Variants in USP8 observed in about 807,000 individuals in gnomAD.
USP8 encodes ubiquitin carboxyl-terminal hydrolase 8.
USP8 carries 27 observed loss-of-function variants against 130.0 expected under a neutral mutation model. The ratio of observed to expected loss-of-function variants is 0.21; its 90% CI spans 0.15 to 0.29. USP8 has a LOEUF of 0.29. USP8 is among the 10% of genes least tolerant of loss of function. The pLI, the probability that USP8 is intolerant of heterozygous loss-of-function variation, is 1.00. For synonymous variants in USP8, 392 were observed against 444.1 expected (o/e 0.88, Z 1.48); for missense variants, 1,029 against 1,312.2 (o/e 0.78, Z 3.33).
chr15:50,494,300 T>A lies in USP8; in HGVS notation c.2658+20T>A. The A allele has an allele frequency of 6.3e-7, 1 of 1,582,286 alleles. No homozygotes were observed. The highest frequency in any genetic ancestry group is 8.6e-7 in the Non-Finnish European group (1 of 1,168,676). ...AATAAAGTAAGAAATTTGATTTTTC[T>A]AAGTTGCAGAGACTCTTTAGGGTTG... On this transcript the variant is annotated intron_variant, in intron 16 of 19. Coordinates refer to ENST00000307179, the MANE Select transcript of USP8 (RefSeq NM_005154.5).
At chr15:50,446,117 AATC>A (rs2141262515) in intron 3 of USP8, among the ~76,000 whole-genome samples, 1 of 152,340 alleles carries the variant, frequency 6.6e-6, no homozygotes, top group African/African-American at 2.4e-5. Flanking sequence ...TTGTTTAGGA[AATC>A]ATGAAAGTTG....
In USP8 at chr15:50,488,363, A is replaced by G. The variant is rs149132584; in HGVS notation, c.1891-1438A>G. On this transcript the variant is annotated intron_variant, in intron 12 of 19. Coordinates refer to ENST00000307179, the MANE Select transcript of USP8 (RefSeq NM_005154.5). ...CTTCATTTTGACAGAATTTTTTTCC[A>G]GCACACATATTCTATTTATTACATG... Among the ~76,000 whole-genome samples the G allele has an allele frequency of 9.4e-3, 1,434 of 152,156 alleles. 26 individuals carry two copies. Among genetic ancestry groups the G allele is most frequent in the African/African-American group, 0.033 (1,354 of 41,498 alleles).
In USP8 at chr15:50,464,550, C is replaced by T. The variant is rs1410548130; in HGVS notation, c.542-497C>T. ...TGTAAACAGAGCATCGAACTGGTTT[C>T]TTGATAAATGTTAAAAACACAAGGT... On this transcript the variant is annotated intron_variant, in intron 6 of 19. Transcript: ENST00000307179. Among the ~76,000 whole-genome samples the T allele has an allele frequency of 2.0e-5, 3 of 152,270 alleles. No individual in the cohort carries two copies. The East Asian group carries it at 5.8e-4, about 29-fold the overall frequency.
chr15:50,470,449 A>C (rs897149290), intron 7 of USP8, among the ~76,000 whole-genome samples: 1 of 152,134 alleles, frequency 6.6e-6, no homozygotes, highest in African/African-American at 2.4e-5. Context: ...ACAGGGAAAA[A>C]GCCAGAGCAG....
Position 50,490,375 on chromosome 15 carries a change from C to T in USP8, c.2084C>T (p.Thr695Ile). ...TCTGCACCTCCTTCCACCCCTCCAACTCATAAAGCCAAGCCACAGATTCCT... is the reference window on the plus strand; with the variant it reads ...TCTGCACCTCCTTCCACCCCTCCAATTCATAAAGCCAAGCCACAGATTCCT... ...PSSAPPSTPPTHKAKPQIPAE... is the reference protein window; with the variant it reads ...PSSAPPSTPPIHKAKPQIPAE... The change falls in exon 14 of 20, where the codon ACT becomes ATT. Residue 695 changes from threonine to isoleucine, a missense_variant. By Grantham distance (89) the Thr-to-Ile change is moderately conservative. Around this residue, in one of 4 missense-constraint regions of USP8, gnomAD observed 486 missense variants for 522.0 expected, o/e 0.93. Transcript: ENST00000307179. 1.9e-6 allele frequency: 3 copies of T among 1,614,084 alleles called. No homozygotes were observed. The South Asian group carries it at 3.3e-5, about 18-fold the overall frequency.
chr15:50,454,709 C>A (rs2050736877), intron 4 of USP8, among the ~76,000 whole-genome samples: 1 of 152,150 alleles, frequency 6.6e-6, no homozygotes, highest in Admixed American at 6.5e-5. Flanking sequence ...CCCACCTCGG[C>A]CTCCCAGAGT....
Position 50,441,342 on chromosome 15 carries a change from T to C in USP8, c.105-7T>C, listed in dbSNP as rs773851014. The C allele has an allele frequency of 1.0e-5, 16 of 1,572,100 alleles. No individual in the cohort carries two copies. The highest frequency in any genetic ancestry group is 1.7e-6 in the Non-Finnish European group (2 of 1,169,734). On this transcript the variant is annotated splice_polypyrimidine_tract_variant and splice_region_variant and intron_variant, in intron 2 of 19. Coordinates refer to ENST00000307179, the MANE Select transcript of USP8 (RefSeq NM_005154.5). Reference sequence around the variant, plus strand: ...GCTTTAATTATTATTTTTTCTCTAATTTTAAGTTATGTGCACAGTGCCCTG... The same window carrying C: ...GCTTTAATTATTATTTTTTCTCTAACTTTAAGTTATGTGCACAGTGCCCTG...
intron 8 of USP8, among the ~76,000 whole-genome samples, chr15:50,476,570 T>G (rs899503960): frequency 6.6e-6 from 1 of 152,162 alleles, no homozygotes; most frequent in Non-Finnish European, 1.5e-5. Flanking sequence ...GAATGTAAAG[T>G]GGTATTGGGG....
At chr15:50,428,651 T>A (rs1439001831) in intron 1 of USP8, among the ~76,000 whole-genome samples, 2 of 152,250 alleles carry the variant, frequency 1.3e-5, no homozygotes, top group Non-Finnish European at 1.5e-5. Context: ...ATAAAAGTTA[T>A]GCCCTGTGGC....
Position 50,507,576 on chromosome 15 carries a change from GCTAC to G in USP8, c.*8496_*8499del, listed in dbSNP as rs954859008. On this transcript the variant is annotated 3_prime_UTR_variant, in exon 20 of 20. Coordinates refer to ENST00000307179, the MANE Select transcript of USP8 (RefSeq NM_005154.5). ...CACCCAAATTGTATAATTTGAAACTGCTACCTACCTAACAAAACAGACTTGTTAA... is the reference window on the plus strand; with the variant it reads ...CACCCAAATTGTATAATTTGAAACTGCTACCTAACAAAACAGACTTGTTAA... The G allele has an allele frequency of 4.6e-5, 7 of 152,070 alleles. No individual in the cohort carries two copies. The highest frequency in any genetic ancestry group is 1.0e-4 in the Non-Finnish European group (7 of 68,004). The allele number at this position is 152,070 out of a possible 1,614,324, so 9.4% of individuals were successfully genotyped here.
intron 1 of USP8, among the ~76,000 whole-genome samples, chr15:50,430,357 A>G (rs1420408908): frequency 6.6e-6 from 1 of 152,126 alleles, no homozygotes; most frequent in East Asian, 1.9e-4. Context: ...AAAAAAATAA[A>G]GAACTAGGGC....
chr15:50,458,919 C>G, intron 4 of USP8, 81 bp from the exon 5 acceptor site: 3 of 1,553,012 alleles, frequency 1.9e-6, no homozygotes, highest in Non-Finnish European at 2.6e-6. Context: ...AGGCAGGATA[C>G]TAATTTTACA....
At position 50,439,197 on chromosome 15, in the gene USP8, A is replaced by G. The variant is rs373171982; in HGVS notation, c.104+20A>G. 63 of 1,335,288 alleles carry G rather than the reference A, an allele frequency of 4.7e-5. No individual in the cohort carries two copies. In the African/African-American group the frequency reaches 8.7e-4, roughly 18 times the overall value. The allele number at this position is 1,335,288 out of a possible 1,614,324, so 82.7% of individuals were successfully genotyped here. On this transcript the variant is annotated intron_variant, in intron 2 of 19. Coordinates refer to ENST00000307179, the MANE Select transcript of USP8 (RefSeq NM_005154.5). Reference sequence around the variant, plus strand: ...TAAGAGGTATGATGTATCCTTCGCTAGTTTGATTGAATCAAATATTAATTT... The same window carrying G: ...TAAGAGGTATGATGTATCCTTCGCTGGTTTGATTGAATCAAATATTAATTT...
chr15:50,463,335 C>T (rs1435330391), intron 6 of USP8: 25 of 152,210 alleles, frequency 1.6e-4, no homozygotes, highest in Admixed American at 1.6e-3. Flanking sequence ...TGGAATTCCT[C>T]TTCATCTGCT....
intron 16 of USP8, among the ~76,000 whole-genome samples, chr15:50,495,228 TTG>T (rs147661253): frequency 9.6e-6 from 1 of 104,498 alleles, no homozygotes; most frequent in African/African-American, 2.9e-5. Context: ...ACAAAAATAT[TTG>T]TGTATATATA....
chr15:50,438,983 A>T, intron 1 of USP8, 26 bp from the exon 2 acceptor site: 1 of 922,868 alleles, frequency 1.1e-6, no homozygotes, highest in Non-Finnish European at 1.6e-6. Context: ...GAGGAAAATT[A>T]GTATAATTAT....
At chr15:50,496,627 A>G (rs1221674100) in intron 17 of USP8, among the ~76,000 whole-genome samples, 2 of 152,072 alleles carry the variant, frequency 1.3e-5, no homozygotes, top group African/African-American at 4.8e-5. Flanking sequence ...CAGGATTGTT[A>G]GTATGTTTTT....
Position 50,441,449 on chromosome 15 carries a change from GT to G in USP8, c.208del (p.Tyr70IlefsTer42). 1 of 1,585,026 alleles carries G rather than the reference GT, an allele frequency of 6.3e-7. No homozygotes were observed. The highest frequency in any genetic ancestry group is 1.2e-5 in the South Asian group (1 of 84,932). ...TGTACTATATATGAAATACGTGACT[GT>G]TTATAATCTTATCAAAAAAAGACCT... is the stretch of plus-strand genomic sequence containing the variant. Reference protein sequence around the residue: ...AYVLYMKYVTVYNLIKKRPDF... With the variant: ...AYVLYMKYVTXYNLIKKRPDF... On this transcript the variant is annotated frameshift_variant, in exon 3 of 20. Coordinates refer to ENST00000307179, the MANE Select transcript of USP8 (RefSeq NM_005154.5). LOFTEE classifies it high-confidence loss of function.
chr15:50,480,933 A>G (rs1716585289), intron 10 of USP8, among the ~76,000 whole-genome samples: 1 of 152,114 alleles, frequency 6.6e-6, no homozygotes, highest in Non-Finnish European at 1.5e-5. Flanking sequence ...AGGGACAGAT[A>G]TAGGAGGAAA....
Sources: gnomAD v4.1 joint callset for allele counts (sites outside exome capture counted in the v4.1 genomes callset) on GRCh38, gnomAD v4.1.1 for gene constraint, gnomAD v4.1.1 regional missense constraint, MANE v1.5 for transcripts, NCBI Gene and HGNC (gene_info 2026-07-23, HGNC 2026-07-21) for gene names.